PHLPP1: variants seen among roughly 807,000 people sequenced by gnomAD.
PHLPP1 encodes the protein PH domain leucine-rich repeat-containing protein phosphatase 1.
In PHLPP1, 42 loss-of-function variants were observed where a neutral mutation model predicts 117.2. That is an observed-to-expected ratio of 0.36 (90% CI 0.28 to 0.46). PHLPP1 has a LOEUF of 0.46. Ranked by LOEUF, PHLPP1 falls within the 20% of genes least tolerant of loss-of-function variation. The pLI is 1.00. For missense variants in PHLPP1, 2,084 were observed against 2,241.9 expected (o/e 0.93, Z 1.42); for synonymous variants, 1,042 against 970.7 (o/e 1.07, Z -1.37).
chr18:62,820,729 T>G (rs537871993), intron 1 of PHLPP1, among the ~76,000 whole-genome samples: 8 of 152,356 alleles, frequency 5.3e-5, no homozygotes, highest in Non-Finnish European at 1.0e-4. Flanking sequence ...GCCCTTTCCT[T>G]AATAAATTAC....
chr18:62,874,809 C>T (rs988374619), intron 4 of PHLPP1, among the ~76,000 whole-genome samples: 8 of 152,176 alleles, frequency 5.3e-5, no homozygotes, highest in South Asian at 2.1e-4. Context: ...ACCACACAGA[C>T]GGAGGAGAAT....
At chr18:62,753,995 G>A (rs1047159792) in intron 1 of PHLPP1, among the ~76,000 whole-genome samples, 1 of 152,166 alleles carries the variant, frequency 6.6e-6, no homozygotes, top group Non-Finnish European at 1.5e-5. Context: ...AATAAAGGCT[G>A]TGTGGTGAAA....
intron 4 of PHLPP1, among the ~76,000 whole-genome samples, chr18:62,868,448 C>A (rs778555584): frequency 4.6e-5 from 7 of 151,602 alleles, no homozygotes; most frequent in Non-Finnish European, 1.0e-4. Flanking sequence ...ATGGTGAAAC[C>A]CGTCTCTACT....
intron 1 of PHLPP1, among the ~76,000 whole-genome samples, chr18:62,808,798 C>T (rs1456632163): frequency 2.0e-5 from 3 of 152,168 alleles, no homozygotes; most frequent in Non-Finnish European, 4.4e-5. Flanking sequence ...AGGTGATTCA[C>T]CCACCTCGGC....
At chr18:62,748,593 A>G (rs1156753437) in intron 1 of PHLPP1, among the ~76,000 whole-genome samples, 1 of 152,118 alleles carries the variant, frequency 6.6e-6, no homozygotes, top group African/African-American at 2.4e-5. Context: ...TCTTTTTCTC[A>G]TTATATAGTG....
chr18:62,776,485 C>A (rs1027407620), intron 1 of PHLPP1, among the ~76,000 whole-genome samples: 2 of 152,162 alleles, frequency 1.3e-5, no homozygotes, highest in African/African-American at 4.8e-5. Flanking sequence ...GTATCTTAGC[C>A]AAGTTGACAT....
chr18:62,826,634 T>A (rs1390991153), intron 1 of PHLPP1, among the ~76,000 whole-genome samples: 1 of 152,134 alleles, frequency 6.6e-6, no homozygotes, highest in Non-Finnish European at 1.5e-5. Context: ...GCCCCCTCTT[T>A]AAAAAAACAA....
chr18:62,742,216 G>C (rs1168119725), intron 1 of PHLPP1, among the ~76,000 whole-genome samples: 1 of 152,272 alleles, frequency 6.6e-6, no homozygotes, highest in South Asian at 2.1e-4. Flanking sequence ...GAAGATAAAA[G>C]TAACGCGGTC....
intron 1 of PHLPP1, among the ~76,000 whole-genome samples, chr18:62,826,502 A>G (rs930142397): frequency 6.6e-6 from 1 of 152,152 alleles, no homozygotes; most frequent in Admixed American, 6.5e-5. Flanking sequence ...GTTTTGCTTT[A>G]TATGGTTTTT....
intron 1 of PHLPP1, among the ~76,000 whole-genome samples, chr18:62,773,679 T>G (rs185169045): frequency 6.6e-6 from 1 of 152,346 alleles, no homozygotes; most frequent in African/African-American, 2.4e-5. Context: ...CTCAAATAAC[T>G]GAAATTTGAA....
At chr18:62,884,743 G>C (rs982187598) in intron 4 of PHLPP1, among the ~76,000 whole-genome samples, 8 of 152,212 alleles carry the variant, frequency 5.3e-5, no homozygotes, top group African/African-American at 1.9e-4. Context: ...TGACCCATTT[G>C]TGGTGAATAA....
At chr18:62,749,540 C>T (rs1911780453) in intron 1 of PHLPP1, among the ~76,000 whole-genome samples, 1 of 152,196 alleles carries the variant, frequency 6.6e-6, no homozygotes, top group African/African-American at 2.4e-5. Flanking sequence ...GCTTAAACAA[C>T]AGAAATTCGT....
intron 9 of PHLPP1, among the ~76,000 whole-genome samples, chr18:62,917,125 T>C: frequency 6.6e-6 from 1 of 150,500 alleles, no homozygotes. Flanking sequence ...GCATCCAAGT[T>C]CTCTGTTTTG....
chr18:62,940,865 T>A (rs1459134238), intron 10 of PHLPP1, among the ~76,000 whole-genome samples: 2 of 152,320 alleles, frequency 1.3e-5, no homozygotes, highest in African/African-American at 4.8e-5. Context: ...CATTACAATA[T>A]TTGAAACGTT....
At chr18:62,861,760 T>A (rs1330773487) in intron 4 of PHLPP1, among the ~76,000 whole-genome samples, 1 of 152,148 alleles carries the variant, frequency 6.6e-6, no homozygotes, top group African/African-American at 2.4e-5. Context: ...AATGGAAGAG[T>A]ATTTTAATTG....
intron 1 of PHLPP1, among the ~76,000 whole-genome samples, chr18:62,784,175 A>G (rs1238483477): frequency 6.6e-6 from 1 of 152,248 alleles, no homozygotes; most frequent in Non-Finnish European, 1.5e-5. Flanking sequence ...AGTGGTTCTC[A>G]TGAGCATTTG....
Position 62,978,182 on chromosome 18 carries a change from C to T in PHLPP1, c.3985-80C>T, listed in dbSNP as rs1427725755. On this transcript the variant is annotated intron_variant, in intron 16 of 16. Transcript: ENST00000262719. This position sits in a 1 kb window ranked among gnomAD's most constrained non-coding sequence, Gnocchi z 7.0. ...TCTGTGGTCCTACAGTCGAGACAGT[C>T]GAGGGACCCGCAGGGAACCTGCACA... 7 of 773,900 alleles carry T rather than the reference C, an allele frequency of 9.0e-6. No individual in the cohort carries two copies. Among genetic ancestry groups the T allele is most frequent in the East Asian group, 5.4e-5 (2 of 37,072 alleles). 47.9% of individuals were successfully genotyped at this position (773,900 alleles called of 1,614,324 possible).
chr18:62,950,697 T>G (rs943434222), intron 12 of PHLPP1, among the ~76,000 whole-genome samples: 7 of 152,178 alleles, frequency 4.6e-5, no homozygotes, highest in African/African-American at 1.7e-4. Flanking sequence ...GCATAATGCA[T>G]ATCCAAAACC....
chr18:62,943,632 G>A (rs980380796), intron 11 of PHLPP1, among the ~76,000 whole-genome samples: 6 of 152,114 alleles, frequency 3.9e-5, no homozygotes, highest in African/African-American at 1.4e-4. Context: ...AGATGCCAGG[G>A]TCTTGCGTGA....
Sources: gnomAD v4.1 joint callset for allele counts (sites outside exome capture counted in the v4.1 genomes callset) on GRCh38, gnomAD v4.1.1 for gene constraint, Gnocchi (gnomAD v3.1) non-coding constraint, MANE v1.5 for transcripts, NCBI Gene and HGNC (gene_info 2026-07-23, HGNC 2026-07-21) for gene names.